The following ASXL3 variants were observed in gnomAD, a reference collection of about 807,000 sequenced individuals.
ASXL3 encodes the protein putative Polycomb group protein ASXL3.
In ASXL3, 34 loss-of-function variants were observed where a neutral mutation model predicts 170.6. The observed-to-expected ratio is 0.20, with a 90% CI of 0.15 to 0.27. The LOEUF (loss-of-function observed/expected upper bound fraction) is 0.27, where lower values mean the gene tolerates loss of function less well. Among genes scored for constraint, ASXL3 ranks in the 10% least tolerant of loss-of-function variants. The probability of loss-of-function intolerance (pLI) is 1.00; values close to 1 mark genes in which losing one functional copy is unlikely to be tolerated. For missense variants in ASXL3, 2,592 were observed against 2,695.3 expected, an observed-to-expected ratio of 0.96 and a Z score of 0.85; for synonymous variants, 1,002 against 989.1, an observed-to-expected ratio of 1.01 and a Z score of -0.24.
chr18:33,590,761 CCATG>C (rs1326405164), intron 1 of ASXL3, among the ~76,000 whole-genome samples: 6 of 152,172 alleles, frequency 3.9e-5, no homozygotes, highest in African/African-American at 1.4e-4. Context: ...CTAGAAGTTA[CCATG>C]GATGATTTCT....
chr18:33,679,683 T>C (rs1351432577), intron 7 of ASXL3, among the ~76,000 whole-genome samples: 1 of 152,138 alleles, frequency 6.6e-6, no homozygotes, highest in Non-Finnish European at 1.5e-5. Context: ...CGTTGCGTAC[T>C]GATTCATTTT....
intron 2 of ASXL3, among the ~76,000 whole-genome samples, chr18:33,622,801 A>T (rs2065535338): frequency 6.6e-6 from 1 of 152,152 alleles, no homozygotes; most frequent in South Asian, 2.1e-4. Flanking sequence ...GTTTAGACAT[A>T]CACTTGCACT....
chr18:33,609,067 TG>T, intron 2 of ASXL3: 1 of 984,886 alleles, frequency 1.0e-6, no homozygotes, highest in South Asian at 4.7e-5. Context: ...GAGGCAGCAG[TG>T]GATAGATTAG....
intron 1 of ASXL3, among the ~76,000 whole-genome samples, chr18:33,582,763 C>T (rs1394751261): frequency 6.8e-6 from 1 of 147,450 alleles, no homozygotes; most frequent in Non-Finnish European, 1.5e-5. Context: ...TTCAAGGTGA[C>T]CTTTGGGTAA....
intron 3 of ASXL3, among the ~76,000 whole-genome samples, 173 bp from the exon 4 acceptor site, chr18:33,646,071 CT>C (rs886230770): frequency 2.0e-5 from 3 of 150,366 alleles, no homozygotes; most frequent in Admixed American, 2.0e-4. Flanking sequence ...TAGCAATGGG[CT>C]TTACCCAGTT....
intron 2 of ASXL3, among the ~76,000 whole-genome samples, chr18:33,617,618 C>T (rs917964321): frequency 1.8e-4 from 27 of 152,070 alleles, no homozygotes; most frequent in Non-Finnish European, 1.0e-4. Context: ...CATCAATAAC[C>T]ACTAAGCTAT....
intron 2 of ASXL3, among the ~76,000 whole-genome samples, chr18:33,611,137 A>C (rs1199973006): frequency 6.6e-6 from 1 of 152,116 alleles, no homozygotes; most frequent in Non-Finnish European, 1.5e-5. Context: ...TGTAGACATG[A>C]TAAAGATAGG....
intron 8 of ASXL3, among the ~76,000 whole-genome samples, chr18:33,685,914 C>T (rs564784552): frequency 1.3e-5 from 2 of 152,306 alleles, no homozygotes; most frequent in Middle Eastern, 3.4e-3. Flanking sequence ...ACTAGGCCCA[C>T]CGCCAGTATT....
intron 8 of ASXL3, among the ~76,000 whole-genome samples, chr18:33,685,096 T>G (rs1011308898): frequency 2.0e-5 from 3 of 152,198 alleles, no homozygotes; most frequent in African/African-American, 7.2e-5. Flanking sequence ...GGATTTTGAA[T>G]GGAGCTGTGA....
chr18:33,732,172 A>C (rs2067460743), intron 9 of ASXL3, 108 bp downstream of exon 9: 1 of 735,970 alleles, frequency 1.4e-6, no homozygotes, highest in Non-Finnish European at 2.0e-6. Flanking sequence ...AGTACACTTT[A>C]ATTTAGTAAA....
chr18:33,684,821 G>A (rs1400993624), intron 8 of ASXL3, among the ~76,000 whole-genome samples: 1 of 152,122 alleles, frequency 6.6e-6, no homozygotes, highest in African/African-American at 2.4e-5. Flanking sequence ...ATGCAGAAGG[G>A]AAATATCAGA....
chr18:33,628,566 CTA>C (rs977584118), intron 2 of ASXL3, among the ~76,000 whole-genome samples: 5 of 152,058 alleles, frequency 3.3e-5, no homozygotes, highest in Admixed American at 6.6e-5. Context: ...TCTTCACACT[CTA>C]TGCTGAAAAT....
Position 33,745,181 on chromosome 18 carries a change from T to C in ASXL3, c.5333T>C (p.Leu1778Pro), listed in dbSNP as rs748762224. 5 of 1,613,984 alleles carry C rather than the reference T, an allele frequency of 3.1e-6. No individual in the cohort carries two copies. In the East Asian group the frequency reaches 1.1e-4, roughly 36 times the overall value. ...RLGAKLEINR[L>P]PLPLQTTSVG... ...GGAGCCAAGCTTGAAATCAACAGGC[T>C]TCCATTGCCTCTTCAAACTACCTCA... Residue 1778 changes from leucine to proline, a missense_variant, in exon 12 of 12, where the codon CTT becomes CCT. This residue lies in a region of ASXL3 where 2,246 missense variants were observed against 2,219.6 expected (regional missense o/e 1.01). Coordinates refer to ENST00000269197, the MANE Select transcript of ASXL3 (RefSeq NM_030632.3).
intron 8 of ASXL3, chr18:33,690,153 A>G (rs1263847041): frequency 6.6e-6 from 1 of 152,218 alleles, no homozygotes; most frequent in African/African-American, 2.4e-5. Flanking sequence ...GTGAGCCACC[A>G]TGCTCAACCT....
At position 33,666,783 on chromosome 18, in the gene ASXL3, T is replaced by TAA. The variant is rs201060600; in HGVS notation, c.478-3882_478-3881dup. On this transcript the variant is annotated intron_variant, in intron 5 of 11. Coordinates refer to ENST00000269197, the MANE Select transcript of ASXL3 (RefSeq NM_030632.3). ...TCGATTGAACAACCCCCAACAGATG[T>TAA]AAAAAAAAATAACTCAAGATTTGGG... Among the ~76,000 whole-genome samples the TAA allele has an allele frequency of 2.6e-5, 4 of 151,228 alleles. No homozygotes were observed. In the East Asian group the frequency reaches 7.7e-4, roughly 29 times the overall value.
chr18:33,620,843 T>C (rs903470110), intron 2 of ASXL3, among the ~76,000 whole-genome samples: 2 of 152,122 alleles, frequency 1.3e-5, no homozygotes, highest in African/African-American at 4.8e-5. Flanking sequence ...TCCCCAACAA[T>C]TTCTAGTCTT....
chr18:33,746,372 T>C lies in ASXL3; in HGVS notation c.6524T>C (p.Ile2175Thr), dbSNP rs1393621801. The stretch of plus-strand genomic sequence containing the variant: ...GCAGCATCTGCAATTGAAAAGTCCA[T>C]TGGGATTTTGGGAAGTGGCTCCAAT... ...KRAASAIEKSIGILGSGSNPA... is the reference protein window; with the variant it reads ...KRAASAIEKSTGILGSGSNPA... The change falls in exon 12 of 12, where the codon ATT (isoleucine) becomes ACT (threonine). Residue 2175 changes from isoleucine to threonine, a missense_variant. Ile to Thr is a moderately conservative substitution (Grantham distance 89). Transcript: ENST00000269197. The C allele has an allele frequency of 1.9e-6, 3 of 1,613,748 alleles. No individual in the cohort carries two copies. The highest frequency in any genetic ancestry group is 2.5e-6 in the Non-Finnish European group (3 of 1,179,774).
In ASXL3 at chr18:33,742,777, A is replaced by ATAT. The variant is rs1354706534; in HGVS notation, c.3040-108_3040-106dup. 1.4e-5 allele frequency: 19 copies of ATAT among 1,406,914 alleles called. No individual in the cohort carries two copies. The African/African-American group carries it at 2.8e-4, about 20-fold the overall frequency. The allele number at this position is 1,406,914 out of a possible 1,614,324, so 87.2% of individuals were successfully genotyped here. A position where few individuals can be genotyped will look rare whatever the true frequency, so the allele number is the denominator to read the frequency against. On this transcript the variant is annotated intron_variant, in intron 11 of 11. Coordinates refer to ENST00000269197, the MANE Select transcript of ASXL3 (RefSeq NM_030632.3). ...CAGGGATTTAGGTGTAGTTCATGGCATATTAGGAGAGAATGCAGCTAGTCT... is the reference window on the plus strand; with the variant it reads ...CAGGGATTTAGGTGTAGTTCATGGCATATTATTAGGAGAGAATGCAGCTAGTCT...
intron 7 of ASXL3, among the ~76,000 whole-genome samples, chr18:33,677,298 AAAT>A (rs2066444651): frequency 6.6e-6 from 1 of 152,202 alleles, no homozygotes; most frequent in Non-Finnish European, 1.5e-5. Context: ...TTTTCATACA[AAAT>A]AATTATCTCC....
Sources: allele counts gnomAD v4.1 joint callset (sites outside exome capture counted in the v4.1 genomes callset), GRCh38; gene constraint gnomAD v4.1.1; regional missense constraint gnomAD v4.1.1; transcripts MANE v1.5; gene names NCBI Gene and HGNC (gene_info 2026-07-23, HGNC 2026-07-21).